MROH2A: variants seen among roughly 807,000 people sequenced by gnomAD.
The protein encoded by MROH2A is maestro heat like repeat family member 2A.
MROH2A carries 174 observed loss-of-function variants against 200.4 expected under a neutral mutation model. That is an observed-to-expected ratio of 0.87 (90% confidence interval 0.77 to 0.98). MROH2A has a LOEUF of 0.98. MROH2A is among the 50% of genes least tolerant of loss of function. The probability of loss-of-function intolerance (pLI) is 0.00; values close to 1 mark genes in which losing one functional copy is unlikely to be tolerated. For missense variants in MROH2A, 2,045 were observed against 2,139.6 expected, an observed-to-expected ratio of 0.96 and a Z score of 0.87; for synonymous variants, 829 against 840.4, an observed-to-expected ratio of 0.99 and a Z score of 0.23.
chr2:233,826,500 G>T (rs1287124669), intron 35 of MROH2A, among the ~76,000 whole-genome samples: 1 of 152,178 alleles, frequency 6.6e-6, no homozygotes, highest in Non-Finnish European at 1.5e-5. Context: ...AAATAGTGCT[G>T]GGAGAACTGG....
rs1702834196 is a variant in MROH2A at position 233,807,005 on chromosome 2, A to G, written c.2053-418A>G. Among the ~76,000 whole-genome samples, 1 of 151,934 alleles carries G rather than the reference A, an allele frequency of 6.6e-6. No individual in the cohort carries two copies. The highest frequency in any genetic ancestry group is 6.6e-5 in the Admixed American group (1 of 15,244). On this transcript the variant is annotated intron_variant, in intron 19 of 41. Transcript: ENST00000389758. This position sits in a 1 kb window ranked among gnomAD's most constrained non-coding sequence, Gnocchi z 4.3. ...ATCATTCTTATGCCTTAGCATCCTC[A>G]TAGCTTAGCTCCCACTTATGAGTGA...
At chr2:233,826,833 G>T (rs771877257) in intron 35 of MROH2A, among the ~76,000 whole-genome samples, 5 of 152,088 alleles carry the variant, frequency 3.3e-5, no homozygotes, top group Admixed American at 6.5e-5. Context: ...TTCAAAAAAG[G>T]TCTAATATCC....
At chr2:233,803,824 A>G (rs1025648259) in intron 16 of MROH2A, among the ~76,000 whole-genome samples, 1 of 152,000 alleles carries the variant, frequency 6.6e-6, no homozygotes, top group Non-Finnish European at 1.5e-5. Flanking sequence ...AACTGTGGAC[A>G]CTCATCCATG....
upstream of MROH2A, among the ~76,000 whole-genome samples, chr2:233,777,000 A>C (rs1700726428): frequency 6.6e-6 from 1 of 152,214 alleles, no homozygotes; most frequent in Non-Finnish European, 1.5e-5. Flanking sequence ...CATTTCAGCC[A>C]ATAGCGAGCC....
intron 23 of MROH2A, 133 bp downstream of exon 23, chr2:233,811,049 T>TAA (rs1703124112): frequency 1.0e-6 from 1 of 999,344 alleles, no homozygotes; most frequent in African/African-American, 1.6e-5. Context: ...GGCTCTGCTT[T>TAA]GTCCTAACTG....
At chr2:233,795,527 A>G (rs1187740983) in intron 8 of MROH2A, 126 bp from the exon 9 acceptor site, 1 of 1,433,814 alleles carries the variant, frequency 7.0e-7, no homozygotes, top group African/African-American at 1.4e-5. Context: ...GAGAGTCTGC[A>G]TTTCTAATCA....
Position 233,780,905 on chromosome 2 carries a change from A to G in MROH2A, c.276+1053A>G, listed in dbSNP as rs1041147509. On this transcript the variant is annotated intron_variant, in intron 3 of 41. Coordinates refer to ENST00000389758, the MANE Select transcript of MROH2A (RefSeq NM_001394639.1). ...ATCCTCCCCTGCCCTTACCTTTCCC[A>G]TACCCTAATACCGAAATTCTACTCT... 3.9e-5 allele frequency among the ~76,000 whole-genome samples: 6 copies of G among 152,048 alleles called. No individual in the cohort carries two copies. The East Asian group carries it at 9.6e-4, about 24-fold the overall frequency.
chr2:233,795,672 A>G lies in MROH2A; in HGVS notation c.986A>G (p.Glu329Gly), dbSNP rs2361503. The G allele has an allele frequency of 0.58, 892,060 of 1,550,750 alleles. 259,374 individuals carry two copies. The highest frequency in any genetic ancestry group is 0.76 in the African/African-American group (55,728 of 73,072). Residue 329 changes from glutamate to glycine, a missense_variant, in exon 9 of 42, where the codon GAA (glutamate) becomes GGA (glycine). Transcript: ENST00000389758. ...FVTQVLRQIL[E>G]LSVTTNTPVP... ...CTGCAGGTCTTGAGGCAGATCCTGG[A>G]ACTGTCAGTCACCACCAACACCCCT...
intron 19 of MROH2A, among the ~76,000 whole-genome samples, chr2:233,806,451 T>G (rs911691499): frequency 5.3e-5 from 8 of 151,866 alleles, no homozygotes; most frequent in African/African-American, 1.9e-4. Context: ...TAAAACAAAA[T>G]TCTTACAAAT....
At chr2:233,809,066 A>C (rs1575971573) in intron 21 of MROH2A, 60 bp from the exon 22 acceptor site, 1 of 1,507,060 alleles carries the variant, frequency 6.6e-7, no homozygotes, top group Non-Finnish European at 9.0e-7. Context: ...AGAGACCATC[A>C]CCTGCATCTG....
chr2:233,807,954 C>A lies in MROH2A; in HGVS notation c.2295+99C>A. On this transcript the variant is annotated intron_variant, in intron 21 of 41. Transcript: ENST00000389758. The surrounding 1 kb of genome is among the most constrained non-coding windows in gnomAD (Gnocchi z 4.3). Reference sequence around the variant, plus strand: ...TTTCTAGATCTCAGTAGGAAACTTGCCTCACACGGAGTCTCCTGTCATCAA... The same window carrying A: ...TTTCTAGATCTCAGTAGGAAACTTGACTCACACGGAGTCTCCTGTCATCAA... 6.9e-7 allele frequency: 1 copy of A among 1,447,978 alleles called. No individual in the cohort carries two copies. Among genetic ancestry groups the A allele is most frequent in the Non-Finnish European group, 9.4e-7 (1 of 1,061,934 alleles). The allele number at this position is 1,447,978 out of a possible 1,614,324, so 89.7% of individuals were successfully genotyped here. A position where few individuals can be genotyped will look rare whatever the true frequency, so the allele number is the denominator to read the frequency against.
At position 233,800,327 on chromosome 2, in the gene MROH2A, C is replaced by T. The variant is rs1439140418; in HGVS notation, c.1560+12C>T. 6.0e-6 allele frequency: 9 copies of T among 1,497,532 alleles called. No individual in the cohort carries two copies. In the South Asian group the frequency reaches 9.8e-5, roughly 16 times the overall value. The allele number at this position is 1,497,532 out of a possible 1,614,324, so 92.8% of individuals were successfully genotyped here. On this transcript the variant is annotated intron_variant, in intron 14 of 41. Transcript: ENST00000389758. Reference sequence around the variant, plus strand: ...GTGGGATGACCACCGTGAGTGGGCCCTGCCCCACCCGCACAGTGGGTCACC... The same window carrying T: ...GTGGGATGACCACCGTGAGTGGGCCTTGCCCCACCCGCACAGTGGGTCACC...
chr2:233,832,296 C>G lies in MROH2A; in HGVS notation c.4837+17C>G. 1 of 1,547,552 alleles carries G rather than the reference C, an allele frequency of 6.5e-7. No homozygotes were observed. The highest frequency in any genetic ancestry group is 8.7e-7 in the Non-Finnish European group (1 of 1,144,778). ...ACTTGGCAGGTGAGCAGAGAGACGT[C>G]TCCTGACTCAAGATAGACTTTGAAG... On this transcript the variant is annotated intron_variant, in intron 40 of 41. Coordinates refer to ENST00000389758, the MANE Select transcript of MROH2A (RefSeq NM_001394639.1).
intron 25 of MROH2A, 52 bp from the exon 26 acceptor site, chr2:233,814,530 G>A (rs774571719): frequency 6.0e-6 from 8 of 1,331,504 alleles, no homozygotes; most frequent in Non-Finnish European, 8.4e-6. Flanking sequence ...CAGGGAGGGG[G>A]GTTGTGGGTG....
At chr2:233,792,592 C>T (rs1258421238) in intron 5 of MROH2A, among the ~76,000 whole-genome samples, 3 of 152,254 alleles carry the variant, frequency 2.0e-5, no homozygotes, top group Non-Finnish European at 2.9e-5. Flanking sequence ...GGATTACAGG[C>T]GTGAGACACC....
chr2:233,823,147 C>A, intron 34 of MROH2A, 129 bp downstream of exon 34: 1 of 943,274 alleles, frequency 1.1e-6, no homozygotes, highest in Non-Finnish European at 1.6e-6. Context: ...ACTGCCACGC[C>A]AACCTGTGAC....
At chr2:233,831,628 T>G (rs1031682866) in intron 39 of MROH2A, 88 bp downstream of exon 39, 1 of 1,419,758 alleles carries the variant, frequency 7.0e-7, no homozygotes, top group Non-Finnish European at 9.5e-7. Flanking sequence ...CAGCTCTTTC[T>G]TGGGGCCCTA....
At chr2:233,830,350 G>A (rs574163108) in intron 38 of MROH2A, among the ~76,000 whole-genome samples, 42 of 152,314 alleles carry the variant, frequency 2.8e-4, no homozygotes, top group East Asian at 9.7e-4. Context: ...GACCTTGACC[G>A]CCCTCTTCTC....
intron 27 of MROH2A, among the ~76,000 whole-genome samples, chr2:233,817,442 G>A (rs1168743375): frequency 6.6e-6 from 1 of 152,148 alleles, no homozygotes; most frequent in Non-Finnish European, 1.5e-5. Flanking sequence ...AGTGGGCTGG[G>A]CAGGAGGACC....
Sources: allele counts gnomAD v4.1 joint callset (sites outside exome capture counted in the v4.1 genomes callset), GRCh38; gene constraint gnomAD v4.1.1; non-coding constraint Gnocchi (gnomAD v3.1); transcripts MANE v1.5; gene names NCBI Gene and HGNC (gene_info 2026-07-23, HGNC 2026-07-21).